The following PLD1 variants were observed in gnomAD, a reference collection of about 807,000 sequenced individuals.
PLD1 encodes the protein phospholipase D1, also known as choline phosphatase 1.
Under a neutral mutation model 137.1 loss-of-function variants are expected in PLD1, and 112 were observed. The observed-to-expected ratio is 0.82, with a 90% confidence interval of 0.70 to 0.96. PLD1 has a LOEUF of 0.96. PLD1 is among the 40% of genes least tolerant of loss of function. PLD1 has a pLI of 0.00. For missense variants in PLD1, 1,321 were observed against 1,342.0 expected, an observed-to-expected ratio of 0.98 and a Z score of 0.24; for synonymous variants, 431 against 454.7, an observed-to-expected ratio of 0.95 and a Z score of 0.66.
At chr3:171,810,177 T>A (rs1314665523) in intron 1 of PLD1, among the ~76,000 whole-genome samples, 2 of 152,012 alleles carry the variant, frequency 1.3e-5, no homozygotes. Flanking sequence ...CGTGCCAGAG[T>A]TGTCAGCTTT....
chr3:171,713,305 A>C (rs574469952), intron 9 of PLD1, among the ~76,000 whole-genome samples: 219 of 152,248 alleles, frequency 1.4e-3, no homozygotes, highest in African/African-American at 4.9e-3. Flanking sequence ...ATCAAAAAAT[A>C]CAAACTTTAG....
intron 6 of PLD1, among the ~76,000 whole-genome samples, chr3:171,726,395 G>T (rs531536214): frequency 2.0e-5 from 3 of 152,086 alleles, no homozygotes; most frequent in African/African-American, 7.2e-5. Flanking sequence ...TTTGTTGCAC[G>T]GGATGGATAT....
At chr3:171,672,489 ATT>A (rs1163775544) in intron 19 of PLD1, among the ~76,000 whole-genome samples, 15 of 124,598 alleles carry the variant, frequency 1.2e-4, no homozygotes, top group African/African-American at 5.0e-4. Context: ...TTTAGTTTTT[ATT>A]TTTATTTTTT....
At chr3:171,768,013 T>C (rs199687519) in intron 1 of PLD1, among the ~76,000 whole-genome samples, 274 of 8,690 alleles carry the variant, frequency 0.032, no homozygotes, top group African/African-American at 0.052. Context: ...ATGTGTTCAT[T>C]ATTATTATTA....
intron 21 of PLD1, among the ~76,000 whole-genome samples, chr3:171,647,130 AAC>A (rs1736298670): frequency 6.6e-6 from 1 of 152,200 alleles, no homozygotes; most frequent in African/African-American, 2.4e-5. Context: ...GCTCCTTTGA[AAC>A]ACAGGATGCC....
At chr3:171,611,592 T>A in intron 25 of PLD1, 1 of 518,928 alleles carries the variant, frequency 1.9e-6, no homozygotes, top group South Asian at 1.4e-5. Context: ...TGCATCTTCT[T>A]GCCAAAGATC....
intron 19 of PLD1, among the ~76,000 whole-genome samples, chr3:171,672,733 C>A (rs1432011227): frequency 6.6e-6 from 1 of 152,184 alleles, no homozygotes; most frequent in Non-Finnish European, 1.5e-5. Flanking sequence ...TCTCCTCCTG[C>A]CTTGGCCTCC....
At chr3:171,639,846 C>CTATATATATATATATATA (rs771002250) in intron 23 of PLD1, among the ~76,000 whole-genome samples, 1 of 103,860 alleles carries the variant, frequency 9.6e-6, no homozygotes, top group African/African-American at 4.1e-5. Flanking sequence ...CTCTCTCTCT[C>CTATATATATATATATATA]TCTATATATA....
rs774194758 is a variant in PLD1, at chr3:171,612,862, A to G, written c.2729-430T>C. 2.6e-5 allele frequency among the ~76,000 whole-genome samples: 4 copies of G among 152,158 alleles called. No homozygotes were observed. The highest frequency in any genetic ancestry group is 5.9e-5 in the Non-Finnish European group (4 of 68,018). On this transcript the variant is annotated intron_variant, in intron 24 of 26. Coordinates refer to ENST00000351298, the MANE Select transcript of PLD1 (RefSeq NM_002662.5). This position sits in a 1 kb window ranked among gnomAD's most constrained non-coding sequence, Gnocchi z 4.1. ...ACTAGAGAACAAACAAAAAAGCTTA[A>G]AGAAAATGCTAAGTAGAAAAAAGAG...
At chr3:171,699,694 G>T in intron 12 of PLD1, 51 bp downstream of exon 12, 1 of 1,294,264 alleles carries the variant, frequency 7.7e-7, no homozygotes, top group Non-Finnish European at 1.1e-6. Flanking sequence ...GCATTTCAGA[G>T]ACAACAGACA....
At chr3:171,682,106 GAAAAAGAA>G (rs779894048) in intron 16 of PLD1, among the ~76,000 whole-genome samples, 2 of 48,332 alleles carry the variant, frequency 4.1e-5, no homozygotes, top group South Asian at 1.4e-3. Flanking sequence ...AATACAGAAA[GAAAAAGAA>G]AGAAAGAAAG....
intron 21 of PLD1, among the ~76,000 whole-genome samples, chr3:171,649,215 T>C (rs1297739591): frequency 6.6e-6 from 1 of 152,234 alleles, no homozygotes; most frequent in Non-Finnish European, 1.5e-5. Flanking sequence ...TTTTAGTTTG[T>C]AGGAATCAGA....
At chr3:171,777,466 C>T (rs1303859377) in intron 1 of PLD1, among the ~76,000 whole-genome samples, 1 of 152,170 alleles carries the variant, frequency 6.6e-6, no homozygotes, top group Non-Finnish European at 1.5e-5. Flanking sequence ...TGCCCAGAGG[C>T]ATTTCCTTCC....
chr3:171,647,432 T>A (rs561770333), intron 21 of PLD1, among the ~76,000 whole-genome samples: 7 of 152,130 alleles, frequency 4.6e-5, no homozygotes, highest in Non-Finnish European at 8.8e-5. Context: ...ACATGTAATA[T>A]AAAATTTGCC....
intron 24 of PLD1, among the ~76,000 whole-genome samples, chr3:171,613,174 C>T (rs1403177977): frequency 6.6e-6 from 1 of 152,084 alleles, no homozygotes; most frequent in Non-Finnish European, 1.5e-5. Context: ...CATCTCTAAA[C>T]AAAACATAAA....
At chr3:171,806,001 C>A (rs1179313767) in intron 1 of PLD1, among the ~76,000 whole-genome samples, 1 of 152,116 alleles carries the variant, frequency 6.6e-6, no homozygotes, top group African/African-American at 2.4e-5. Context: ...CATAGCAAGA[C>A]CTCATCTCTA....
chr3:171,633,749 C>T (rs955831282), intron 23 of PLD1, among the ~76,000 whole-genome samples: 1 of 152,168 alleles, frequency 6.6e-6, no homozygotes. Context: ...AGTATATGTA[C>T]GTATCTAATC....
intron 6 of PLD1, among the ~76,000 whole-genome samples, chr3:171,732,956 C>G (rs1398920257): frequency 6.6e-6 from 1 of 152,186 alleles, no homozygotes; most frequent in Non-Finnish European, 1.5e-5. Flanking sequence ...TCTTTCCTAG[C>G]TTTTCTCATG....
intron 1 of PLD1, among the ~76,000 whole-genome samples, chr3:171,754,931 C>T (rs1720913046): frequency 6.6e-6 from 1 of 152,168 alleles, no homozygotes; most frequent in Non-Finnish European, 1.5e-5. Flanking sequence ...GACTCAGCTA[C>T]TACTATATCT....
Sources: gnomAD v4.1 joint callset for allele counts (sites outside exome capture counted in the v4.1 genomes callset) on GRCh38, gnomAD v4.1.1 for gene constraint, Gnocchi (gnomAD v3.1) non-coding constraint, MANE v1.5 for transcripts, NCBI Gene and HGNC (gene_info 2026-07-23, HGNC 2026-07-21) for gene names.